Variants in TPRG1 observed in about 807,000 individuals in gnomAD.
TPRG1 encodes the protein tumor protein p63-regulated gene 1 protein.
Under a neutral mutation model 29.3 loss-of-function variants are expected in TPRG1, and 29 were observed. The observed-to-expected ratio is 0.99, with a 90% CI of 0.74 to 1.35. The LOEUF (loss-of-function observed/expected upper bound fraction) is 1.35. TPRG1 is among the 40% of genes most tolerant of loss of function. The pLI is 0.00. For missense variants in TPRG1, 327 were observed against 335.0 expected (o/e 0.98, Z 0.19); for synonymous variants, 130 against 116.8 (o/e 1.11, Z -0.73).
intron 4 of TPRG1, among the ~76,000 whole-genome samples, chr3:189,245,851 G>T (rs1741303400): frequency 6.6e-6 from 1 of 151,950 alleles, no homozygotes; most frequent in Non-Finnish European, 1.5e-5. Context: ...ATTATTAGGT[G>T]CATGCACATT....
chr3:189,233,720 C>A (rs1327304816), intron 3 of TPRG1, among the ~76,000 whole-genome samples: 2 of 151,972 alleles, frequency 1.3e-5, no homozygotes, highest in Non-Finnish European at 2.9e-5. Flanking sequence ...TGAGGAGACA[C>A]AGATAAAAAT....
chr3:189,146,850 G>A (rs1725328788), intron 3 of TPRG1, among the ~76,000 whole-genome samples: 1 of 152,200 alleles, frequency 6.6e-6, no homozygotes, highest in African/African-American at 2.4e-5. Flanking sequence ...TGGGCTGAAT[G>A]TAACACCAAG....
intron 4 of TPRG1, among the ~76,000 whole-genome samples, chr3:189,039,367 T>G (rs574995485): frequency 1.3e-5 from 2 of 152,226 alleles, no homozygotes; most frequent in East Asian, 3.9e-4. Flanking sequence ...TCTCCAAACT[T>G]TCAGGGCCCT....
chr3:189,039,371 G>T (rs1299004962), intron 4 of TPRG1, among the ~76,000 whole-genome samples: 1 of 152,132 alleles, frequency 6.6e-6, no homozygotes, highest in African/African-American at 2.4e-5. Context: ...CAAACTTTCA[G>T]GGCCCTGTTG....
chr3:189,139,544 T>C (rs182986848), intron 3 of TPRG1, among the ~76,000 whole-genome samples: 4 of 152,290 alleles, frequency 2.6e-5, no homozygotes, highest in South Asian at 2.1e-4. Flanking sequence ...GCCGAGCTCG[T>C]ATTCATAATT....
rs73055477 is a variant in TPRG1 at position 189,194,280 on chromosome 3, T to C, written c.-9-13096T>C. Reference sequence around the variant, plus strand: ...GTTAATGTTCTAGGTATCAAGCGCTTTGGGGTTCTTCTCTCCTTACTTTTC... The same window carrying C: ...GTTAATGTTCTAGGTATCAAGCGCTCTGGGGTTCTTCTCTCCTTACTTTTC... On this transcript the variant is annotated intron_variant, in intron 1 of 5. Transcript: ENST00000345063. Among the ~76,000 whole-genome samples the C allele has an allele frequency of 7.0e-3, 1,059 of 152,202 alleles. 12 individuals carry two copies. The highest frequency in any genetic ancestry group is 0.025 in the African/African-American group (1,028 of 41,546).
chr3:189,075,582 C>G (rs6808485), intron 4 of TPRG1, among the ~76,000 whole-genome samples: 10,743 of 152,136 alleles, frequency 0.071, 1,246 homozygotes, highest in African/African-American at 0.24. Flanking sequence ...TTGCATTTCT[C>G]TAGGCACTTG....
At chr3:189,098,306 A>G (rs1396454433), upstream of TPRG1, among the ~76,000 whole-genome samples, 3 of 152,232 alleles carry the variant, frequency 2.0e-5, no homozygotes, top group African/African-American at 7.2e-5. Flanking sequence ...AGTAAAGAAA[A>G]TAAGACGAAA....
At chr3:189,063,662 T>C in intron 4 of TPRG1, among the ~76,000 whole-genome samples, 1 of 151,086 alleles carries the variant, frequency 6.6e-6, no homozygotes, top group South Asian at 2.1e-4. Flanking sequence ...AAATACTTTA[T>C]TGGTCAAAAA....
intron 4 of TPRG1, chr3:189,023,975 A>G (rs1362304537): frequency 2.0e-5 from 3 of 152,322 alleles, no homozygotes; most frequent in Non-Finnish European, 4.4e-5. Flanking sequence ...GAGGAACGGG[A>G]TCAGAGACCC....
At chr3:189,226,196 G>A (rs1737693379) in intron 3 of TPRG1, among the ~76,000 whole-genome samples, 1 of 152,168 alleles carries the variant, frequency 6.6e-6, no homozygotes, top group Non-Finnish European at 1.5e-5. Context: ...ACAGCAGAAT[G>A]CACATTCTTT....
At chr3:189,314,394 C>T (rs112756648) in intron 5 of TPRG1, among the ~76,000 whole-genome samples, 3,091 of 152,242 alleles carry the variant, frequency 0.02, 47 homozygotes, top group African/African-American at 0.027. Context: ...GATATAATTA[C>T]GTTCAAGTTA....
chr3:189,122,669 G>A (rs1175288423), intron 1 of TPRG1, among the ~76,000 whole-genome samples: 1 of 152,210 alleles, frequency 6.6e-6, no homozygotes, highest in African/African-American at 2.4e-5. Flanking sequence ...TAATTGAAAT[G>A]TCTTGGCCAA....
chr3:189,305,916 C>T (rs901944743), intron 4 of TPRG1, among the ~76,000 whole-genome samples: 5 of 152,204 alleles, frequency 3.3e-5, no homozygotes, highest in African/African-American at 1.2e-4. Context: ...GTCCTTCTTA[C>T]TTCCACTACT....
At chr3:189,286,777 G>A (rs1177907825) in intron 4 of TPRG1, among the ~76,000 whole-genome samples, 1 of 152,098 alleles carries the variant, frequency 6.6e-6, no homozygotes, top group Non-Finnish European at 1.5e-5. Context: ...GAAACCATAT[G>A]ACCAGAGACA....
chr3:189,200,639 A>G (rs1053077501), intron 1 of TPRG1, among the ~76,000 whole-genome samples: 2 of 152,188 alleles, frequency 1.3e-5, no homozygotes, highest in Non-Finnish European at 2.9e-5. Context: ...TTAACAAGCC[A>G]TAGACTTTTC....
intron 4 of TPRG1, among the ~76,000 whole-genome samples, chr3:189,094,666 T>C (rs1718559413): frequency 6.6e-6 from 1 of 152,142 alleles, no homozygotes; most frequent in Non-Finnish European, 1.5e-5. Flanking sequence ...CACCCAGGTG[T>C]AATTGATTTT....
rs984671100 is a variant in TPRG1, at chr3:189,324,145, C to T, written c.*3325C>T. ...AAGTTGGCACTTCTGAATCATTTGC[C>T]TTGAGGTCCATTTTTTATTCAGCCT... On this transcript the variant is annotated 3_prime_UTR_variant, in exon 6 of 6. Coordinates refer to ENST00000345063, the MANE Select transcript of TPRG1 (RefSeq NM_198485.4). The T allele has an allele frequency of 1.3e-5, 2 of 152,090 alleles. No individual in the cohort carries two copies. Among genetic ancestry groups the T allele is most frequent in the African/African-American group, 4.8e-5 (2 of 41,422 alleles). The allele number at this position is 152,090 out of a possible 1,614,324, so 9.4% of individuals were successfully genotyped here. A position where few individuals can be genotyped will look rare whatever the true frequency, so the allele number is the denominator to read the frequency against.
At chr3:189,243,961 C>G (rs1268159251) in intron 4 of TPRG1, among the ~76,000 whole-genome samples, 1 of 152,188 alleles carries the variant, frequency 6.6e-6, no homozygotes, top group African/African-American at 2.4e-5. Context: ...CCTCATCCTC[C>G]TGTCTTCTTC....
Sources: allele counts gnomAD v4.1 joint callset (sites outside exome capture counted in the v4.1 genomes callset), GRCh38; gene constraint gnomAD v4.1.1; transcripts MANE v1.5; gene names NCBI Gene and HGNC (gene_info 2026-07-23, HGNC 2026-07-21).